PCYT1A: variants seen among roughly 807,000 people sequenced by gnomAD.
The protein encoded by PCYT1A is choline-phosphate cytidylyltransferase A.
In PCYT1A, 25 loss-of-function variants were observed where a neutral mutation model predicts 43.7. The ratio of observed to expected loss-of-function variants is 0.57; its 90% CI spans 0.42 to 0.80. The LOEUF (loss-of-function observed/expected upper bound fraction) is 0.80. PCYT1A is among the 30% of genes least tolerant of loss of function. PCYT1A has a pLI of 0.00. For synonymous variants in PCYT1A, 172 were observed against 170.7 expected, an observed-to-expected ratio of 1.01 and a Z score of -0.06; for missense variants, 421 against 474.2, an observed-to-expected ratio of 0.89 and a Z score of 1.04.
intron 2 of PCYT1A, among the ~76,000 whole-genome samples, chr3:196,261,279 A>G (rs1356365266): frequency 6.6e-6 from 1 of 152,206 alleles, no homozygotes; most frequent in East Asian, 1.9e-4. Flanking sequence ...GTACAACAGT[A>G]TGACTAGACT....
Position 196,239,739 on chromosome 3 carries a change from G to T in PCYT1A, c.709-4C>A. ...CCTGCAAGTGGTATTTCTTCTCCTAGATAAAGAAATAACTCTTCTGAGAAA... is the reference window on the plus strand; with the variant it reads ...CCTGCAAGTGGTATTTCTTCTCCTATATAAAGAAATAACTCTTCTGAGAAA... On this transcript the variant is annotated splice_polypyrimidine_tract_variant and splice_region_variant and intron_variant, in intron 7 of 8. Coordinates refer to ENST00000431016, the MANE Select transcript of PCYT1A (RefSeq NM_001312673.2). 6.3e-7 allele frequency: 1 copy of T among 1,583,150 alleles called. No individual in the cohort carries two copies. The highest frequency in any genetic ancestry group is 8.7e-7 in the Non-Finnish European group (1 of 1,152,510).
intron 1 of PCYT1A, among the ~76,000 whole-genome samples, chr3:196,280,312 T>A (rs1036515647): frequency 6.6e-6 from 1 of 152,182 alleles, no homozygotes; most frequent in Non-Finnish European, 1.5e-5. Flanking sequence ...GGACCCTATA[T>A]GGACAGTTGT....
At chr3:196,239,833 T>C (rs1724297203) in intron 7 of PCYT1A, 98 bp from the exon 8 acceptor site, 4 of 774,710 alleles carry the variant, frequency 5.2e-6, no homozygotes, top group African/African-American at 1.7e-5. Context: ...CAATTGACAC[T>C]GTTTTCAGTC....
rs1362682612 is a variant in PCYT1A at position 196,273,575 on chromosome 3, A to G, written c.-10-3034T>C. On this transcript the variant is annotated intron_variant, in intron 1 of 8. Transcript: ENST00000431016. The surrounding 1 kb of genome is among the most constrained non-coding windows in gnomAD (Gnocchi z 4.1). ...CTGTGCAGCCCTCAGCGGAGAGGAG[A>G]CCCAGAGTGGATAGCTCCTATCTGC... 6.6e-6 allele frequency among the ~76,000 whole-genome samples: 1 copy of G among 150,578 alleles called. No individual in the cohort carries two copies. Among genetic ancestry groups the G allele is most frequent in the Non-Finnish European group, 1.5e-5 (1 of 67,984 alleles).
intron 5 of PCYT1A, among the ~76,000 whole-genome samples, chr3:196,246,603 CAGTG>C (rs1183573375): frequency 6.6e-6 from 1 of 152,190 alleles, no homozygotes; most frequent in Non-Finnish European, 1.5e-5. Flanking sequence ...TACTGAGAAA[CAGTG>C]AGAAATATCC....
In PCYT1A at chr3:196,252,145, A is replaced by C. The variant is rs866789129; in HGVS notation, c.218-3822T>G. 2.0e-5 allele frequency among the ~76,000 whole-genome samples: 3 copies of C among 150,604 alleles called. No individual in the cohort carries two copies. Among genetic ancestry groups the C allele is most frequent in the Admixed American group, 6.6e-5 (1 of 15,086 alleles). ...CCACGCCCCACTGGCTACAGTGCAC[A>C]CCGCCACGCCCCACTGGCTACAGCG... On this transcript the variant is annotated intron_variant, in intron 3 of 8. Transcript: ENST00000431016. The surrounding 1 kb of genome is among the most constrained non-coding windows in gnomAD (Gnocchi z 4.0).
rs112123768 is a variant in PCYT1A, at chr3:196,238,799, G to C, written c.993C>G (p.Ser331=). ...CGGAGAAGGGCCATCGGAAAGAGGG[G>C]GAGGGGGAGCGCTCGCGAGTAGGGC... The part of the protein sequence containing the change: ...SSSPTRERSP[S]PSFRWPFSGK... Residue 331 remains serine, a synonymous_variant, in exon 9 of 9, where the codon TCC becomes TCG. Transcript: ENST00000431016. 3.0e-5 allele frequency: 48 copies of C among 1,584,188 alleles called. No homozygotes were observed. Among genetic ancestry groups the C allele is most frequent in the African/African-American group, 2.7e-4 (20 of 73,050 alleles).
intron 1 of PCYT1A, among the ~76,000 whole-genome samples, chr3:196,278,693 A>G (rs888289941): frequency 4.6e-5 from 7 of 152,326 alleles, no homozygotes; most frequent in Non-Finnish European, 8.8e-5. Flanking sequence ...CAAAAAGGCT[A>G]TAACAGCCCA....
intron 1 of PCYT1A, among the ~76,000 whole-genome samples, chr3:196,275,511 G>A (rs540441253): frequency 1.3e-5 from 2 of 152,216 alleles, no homozygotes; most frequent in Admixed American, 1.3e-4. Flanking sequence ...GAGGCGGGTG[G>A]ATCACGAGGT....
chr3:196,259,074 G>A (rs1381825657), intron 2 of PCYT1A, among the ~76,000 whole-genome samples: 2 of 152,082 alleles, frequency 1.3e-5, no homozygotes, highest in African/African-American at 2.4e-5. Flanking sequence ...CTAGAGTGCA[G>A]CGGCACGATC....
intron 1 of PCYT1A, among the ~76,000 whole-genome samples, chr3:196,275,948 T>G (rs977792737): frequency 5.4e-5 from 8 of 149,490 alleles, no homozygotes; most frequent in Non-Finnish European, 1.2e-4. Flanking sequence ...ATACAAAAAA[T>G]TAGCCAGGCG....
At position 196,235,800 on chromosome 3, in the gene PCYT1A, C is replaced by T. The variant is rs1019094949; in HGVS notation, c.*2888G>A. 1 of 152,220 alleles carries T rather than the reference C, an allele frequency of 6.6e-6. No individual in the cohort carries two copies. The highest frequency in any genetic ancestry group is 2.4e-5 in the African/African-American group (1 of 41,446). The allele number at this position is 152,220 out of a possible 1,614,324, so 9.4% of individuals were successfully genotyped here. A position where few individuals can be genotyped will look rare whatever the true frequency, so the allele number is the denominator to read the frequency against. On this transcript the variant is annotated 3_prime_UTR_variant, in exon 9 of 9. Transcript: ENST00000431016. The surrounding 1 kb of genome is among the most constrained non-coding windows in gnomAD (Gnocchi z 4.3). ...ACGTTAATATCTGAAGATTTAGATC[C>T]CAGGCATTGTGGTGGTGTGCACACC...
intron 3 of PCYT1A, among the ~76,000 whole-genome samples, chr3:196,255,049 C>T (rs1447989352): frequency 6.6e-6 from 1 of 152,128 alleles, no homozygotes; most frequent in African/African-American, 2.4e-5. Context: ...CTCGTAAAAA[C>T]CTGGGGAGCA....
Position 196,237,188 on chromosome 3 carries a change from G to A in PCYT1A, c.*1500C>T, listed in dbSNP as rs901217758. The A allele has an allele frequency of 6.6e-6, 1 of 152,278 alleles. No individual in the cohort carries two copies. 9.4% of individuals were successfully genotyped at this position (152,278 alleles called of 1,614,324 possible). A position where few individuals can be genotyped will look rare whatever the true frequency, so the allele number is the denominator to read the frequency against. On this transcript the variant is annotated 3_prime_UTR_variant, in exon 9 of 9. Coordinates refer to ENST00000431016, the MANE Select transcript of PCYT1A (RefSeq NM_001312673.2). The stretch of plus-strand genomic sequence containing the variant: ...CAAGGGGTATTTATGAGTGACAGGG[G>A]TGGGGCCTGGACATAAGCAATTTTC...
chr3:196,265,999 G>A (rs990855229), intron 2 of PCYT1A, among the ~76,000 whole-genome samples: 3 of 148,688 alleles, frequency 2.0e-5, no homozygotes, highest in Middle Eastern at 3.5e-3. Context: ...TCAGCCTCCC[G>A]AAGTGCTGGG....
At chr3:196,241,637 C>T in intron 7 of PCYT1A, 9 of 1,338,700 alleles carry the variant, frequency 6.7e-6, no homozygotes, top group Non-Finnish European at 7.8e-6. Context: ...AAGACATCAT[C>T]CAACCGAAGA....
intron 3 of PCYT1A, among the ~76,000 whole-genome samples, chr3:196,253,423 G>A (rs924882649): frequency 1.3e-5 from 2 of 151,882 alleles, no homozygotes; most frequent in Admixed American, 1.3e-4. Context: ...GTCCAGAGGG[G>A]CTATGATCTC....
chr3:196,271,165 C>A (rs190839285), intron 1 of PCYT1A, among the ~76,000 whole-genome samples: 1 of 151,288 alleles, frequency 6.6e-6, no homozygotes, highest in Non-Finnish European at 1.5e-5. Flanking sequence ...GTTGGGACTA[C>A]AGGCACATGC....
intron 3 of PCYT1A, among the ~76,000 whole-genome samples, chr3:196,250,234 G>A (rs922653757): frequency 6.7e-6 from 1 of 148,932 alleles, no homozygotes; most frequent in Non-Finnish European, 1.5e-5. Flanking sequence ...CCGAGGCTGA[G>A]GACCAGGTAC....
Sources: gnomAD v4.1 joint callset for allele counts (sites outside exome capture counted in the v4.1 genomes callset) on GRCh38, gnomAD v4.1.1 for gene constraint, Gnocchi (gnomAD v3.1) non-coding constraint, MANE v1.5 for transcripts, NCBI Gene and HGNC (gene_info 2026-07-23, HGNC 2026-07-21) for gene names.